The following FSTL4 variants were observed in gnomAD, a reference collection of about 807,000 sequenced individuals.
FSTL4 encodes the protein follistatin-related protein 4.
FSTL4 carries 28 observed loss-of-function variants against 78.2 expected under a neutral mutation model. The ratio of observed to expected loss-of-function variants is 0.36; its 90% CI spans 0.27 to 0.49. The LOEUF (loss-of-function observed/expected upper bound fraction) is 0.49, where lower values mean the gene tolerates loss of function less well. FSTL4 is among the 20% of genes least tolerant of loss of function. The pLI, the probability that FSTL4 is intolerant of heterozygous loss-of-function variation, is 0.98. For missense variants in FSTL4, 922 were observed against 1,084.9 expected, an observed-to-expected ratio of 0.85 and a Z score of 2.11; for synonymous variants, 422 against 440.5, an observed-to-expected ratio of 0.96 and a Z score of 0.53.
At chr5:133,520,427 G>T (rs545447204) in intron 3 of FSTL4, among the ~76,000 whole-genome samples, 23 of 147,668 alleles carry the variant, frequency 1.6e-4, no homozygotes, top group Non-Finnish European at 2.8e-4. Context: ...GATATTTGGC[G>T]TTGGGGTGGG....
chr5:133,658,869 C>T, the FSTL4 span, among the ~76,000 whole-genome samples: 23 of 152,102 alleles, frequency 1.5e-4, no homozygotes, highest in African/African-American at 5.5e-4. Flanking sequence ...AACAACTTCT[C>T]TTTGGTTTAT....
the FSTL4 span, among the ~76,000 whole-genome samples, chr5:133,784,071 A>G: frequency 0.031 from 4,665 of 152,190 alleles, 209 homozygotes; most frequent in African/African-American, 0.098. Flanking sequence ...TGCATCATCC[A>G]CTGAGTTATG....
intron 4 of FSTL4, among the ~76,000 whole-genome samples, chr5:133,340,863 C>A (rs1754564037): frequency 6.6e-6 from 1 of 152,106 alleles, no homozygotes; most frequent in Admixed American, 6.5e-5. Context: ...TAAAATAATT[C>A]ACTCAGATAA....
intron 3 of FSTL4, among the ~76,000 whole-genome samples, chr5:133,511,041 T>C (rs1024685167): frequency 1.6e-4 from 25 of 152,130 alleles, no homozygotes; most frequent in African/African-American, 6.0e-4. Context: ...CTCAAGGAGT[T>C]TTTGCGAGCT....
the FSTL4 span, among the ~76,000 whole-genome samples, chr5:133,812,528 A>G: frequency 2.0e-5 from 3 of 147,734 alleles, no homozygotes; most frequent in East Asian, 3.9e-4. Flanking sequence ...TAAAACATTG[A>G]TTTTTCACAT....
At chr5:133,221,845 A>T (rs1195549045) in intron 11 of FSTL4, among the ~76,000 whole-genome samples, 2 of 134,810 alleles carry the variant, frequency 1.5e-5, no homozygotes, top group Non-Finnish European at 3.1e-5. Flanking sequence ...GAACATTAAG[A>T]TCTCTGTAAA....
the FSTL4 span, among the ~76,000 whole-genome samples, chr5:133,813,121 G>T: frequency 0.12 from 17,923 of 152,154 alleles, 1,147 homozygotes; most frequent in East Asian, 0.2. Flanking sequence ...GAAGTCAGCA[G>T]CCTCCTGTCC....
At chr5:133,259,377 T>C (rs1301879507) in intron 6 of FSTL4, among the ~76,000 whole-genome samples, 2 of 152,100 alleles carry the variant, frequency 1.3e-5, no homozygotes, top group African/African-American at 4.8e-5. Context: ...CCAGTGCAGC[T>C]GAAGCACATG....
chr5:133,821,547 A>G, the FSTL4 span, among the ~76,000 whole-genome samples: 4 of 152,306 alleles, frequency 2.6e-5, no homozygotes, highest in East Asian at 5.8e-4. Context: ...CACTCTAGAA[A>G]CAGTGGGAAC....
chr5:133,369,556 G>A (rs562548456), intron 4 of FSTL4, among the ~76,000 whole-genome samples: 5 of 152,330 alleles, frequency 3.3e-5, no homozygotes, highest in South Asian at 4.1e-4. Context: ...GGCTTGTTCC[G>A]TCACAACCTG....
At chr5:133,214,834 T>A (rs1429409395) in intron 13 of FSTL4, among the ~76,000 whole-genome samples, 1 of 152,092 alleles carries the variant, frequency 6.6e-6, no homozygotes, top group Non-Finnish European at 1.5e-5. Flanking sequence ...ATTGTGGGAG[T>A]AGTTATTCTC....
intron 6 of FSTL4, among the ~76,000 whole-genome samples, chr5:133,276,640 C>T (rs914496709): frequency 2.6e-5 from 4 of 152,198 alleles, no homozygotes; most frequent in African/African-American, 4.8e-5. Flanking sequence ...AGTGTCTACT[C>T]TTATAACAGG....
chr5:133,314,013 G>C (rs1188842613), intron 5 of FSTL4, among the ~76,000 whole-genome samples: 1 of 152,204 alleles, frequency 6.6e-6, no homozygotes, highest in African/African-American at 2.4e-5. Context: ...AATGGCTTCA[G>C]GTGCCTCAGG....
chr5:133,328,571 A>G (rs1309468084), intron 4 of FSTL4, among the ~76,000 whole-genome samples: 1 of 152,150 alleles, frequency 6.6e-6, no homozygotes, highest in African/African-American at 2.4e-5. Context: ...ATTTTTTACT[A>G]TTGTGTTAGT....
chr5:133,682,255 GA>G, the FSTL4 span, among the ~76,000 whole-genome samples: 4 of 152,250 alleles, frequency 2.6e-5, no homozygotes, highest in South Asian at 8.3e-4. Flanking sequence ...GCCAGGGGCA[GA>G]AGTGTGAGTT....
chr5:133,687,212 AG>A, the FSTL4 span, among the ~76,000 whole-genome samples: 52,550 of 151,846 alleles, frequency 0.35, 9,159 homozygotes, highest in Admixed American at 0.38. Context: ...GAGGCTAAAT[AG>A]GGGGGGCATG....
chr5:133,522,995 C>T (rs1561455722), intron 3 of FSTL4, among the ~76,000 whole-genome samples: 1 of 151,996 alleles, frequency 6.6e-6, no homozygotes, highest in Admixed American at 6.5e-5. Context: ...CCCCGAGTCC[C>T]CCCTACCCCA....
intron 6 of FSTL4, among the ~76,000 whole-genome samples, chr5:133,305,959 G>A (rs538758617): frequency 1.3e-5 from 2 of 152,266 alleles, no homozygotes; most frequent in South Asian, 4.2e-4. Flanking sequence ...CTCAGCCTAC[G>A]GTAGCTTCAG....
At chr5:133,417,686 G>A (rs970436974) in intron 3 of FSTL4, among the ~76,000 whole-genome samples, 1 of 152,074 alleles carries the variant, frequency 6.6e-6, no homozygotes, top group African/African-American at 2.4e-5. Context: ...AGCTGGGTGT[G>A]GTGGCTCACA....
Sources: allele counts gnomAD v4.1 joint callset (sites outside exome capture counted in the v4.1 genomes callset), GRCh38; gene constraint gnomAD v4.1.1; transcripts MANE v1.5; gene names NCBI Gene and HGNC (gene_info 2026-07-23, HGNC 2026-07-21).